CDK5RAP2: variants seen among roughly 807,000 people sequenced by gnomAD.
CDK5RAP2 encodes CDK5 regulatory subunit associated protein 2.
A neutral mutation model predicts 232.9 loss-of-function variants in CDK5RAP2; 147 were observed. The observed-to-expected ratio is 0.63, with a 90% confidence interval of 0.55 to 0.72. CDK5RAP2 has a LOEUF of 0.72. Among genes scored for constraint, CDK5RAP2 ranks in the 30% least tolerant of loss-of-function variants. CDK5RAP2 has a pLI of 0.00. For synonymous variants in CDK5RAP2, 833 were observed against 833.7 expected, an observed-to-expected ratio of 1.00 and a Z score of 0.01; for missense variants, 2,195 against 2,231.5, an observed-to-expected ratio of 0.98 and a Z score of 0.33.
intron 28 of CDK5RAP2, among the ~76,000 whole-genome samples, chr9:120,413,972 G>C (rs1015992905): frequency 2.0e-5 from 3 of 152,186 alleles, no homozygotes; most frequent in African/African-American, 7.2e-5. Context: ...ATGAGACCTG[G>C]ACAAGGGTCC....
intron 4 of CDK5RAP2, among the ~76,000 whole-genome samples, chr9:120,547,217 T>G (rs1304036497): frequency 6.6e-6 from 1 of 151,302 alleles, no homozygotes; most frequent in Non-Finnish European, 1.5e-5. Flanking sequence ...CTTGAACTCC[T>G]GACCTCAAGT....
At chr9:120,424,244 T>A (rs989500658) in intron 25 of CDK5RAP2, among the ~76,000 whole-genome samples, 3 of 152,238 alleles carry the variant, frequency 2.0e-5, no homozygotes, top group African/African-American at 7.2e-5. Flanking sequence ...GATGGAGATA[T>A]CCTTATAGCT....
intron 3 of CDK5RAP2, among the ~76,000 whole-genome samples, chr9:120,551,800 T>C (rs1360894894): frequency 6.6e-6 from 1 of 152,180 alleles, no homozygotes; most frequent in Non-Finnish European, 1.5e-5. Context: ...AATTTTATAT[T>C]AGGTAATAAT....
intron 8 of CDK5RAP2, among the ~76,000 whole-genome samples, chr9:120,529,310 T>G (rs10818461): frequency 0.082 from 12,471 of 152,292 alleles, 736 homozygotes; most frequent in East Asian, 0.29. Flanking sequence ...CTACCTGCAC[T>G]TCCCTGGCCT....
At chr9:120,568,563 T>C (rs903521908) in intron 2 of CDK5RAP2, among the ~76,000 whole-genome samples, 175 bp from the exon 3 acceptor site, 1 of 152,192 alleles carries the variant, frequency 6.6e-6, no homozygotes, top group Non-Finnish European at 1.5e-5. Context: ...TCTAAACCAT[T>C]AATTTACAAA....
chr9:120,507,942 A>AATATATATATATATATAT (rs1157642617), intron 12 of CDK5RAP2, among the ~76,000 whole-genome samples: 10 of 32,548 alleles, frequency 3.1e-4, no homozygotes, highest in African/African-American at 1.1e-3. Context: ...AAAAAAAAAA[A>AATATATATATATATATAT]ATATATATAT....
At position 120,406,637 on chromosome 9, in the gene CDK5RAP2, C is replaced by T. The variant is rs138472454; in HGVS notation, c.4963+375G>A. 5 of 232,944 alleles carry T rather than the reference C, an allele frequency of 2.1e-5. No individual in the cohort carries two copies. The East Asian group carries it at 3.9e-4, about 18-fold the overall frequency. 14.4% of individuals were successfully genotyped at this position (232,944 alleles called of 1,614,324 possible). A position where few individuals can be genotyped will look rare whatever the true frequency, so the allele number is the denominator to read the frequency against. On this transcript the variant is annotated intron_variant, in intron 32 of 37. Transcript: ENST00000349780. ...AGGATGATTTTCAGATCCTGAAAGA[C>T]ACTGAAAGCCAGATTAAGATGTTTA...
At chr9:120,463,072 A>AAAAAC (rs1335984699) in intron 18 of CDK5RAP2, among the ~76,000 whole-genome samples, 1 of 152,114 alleles carries the variant, frequency 6.6e-6, no homozygotes, top group East Asian at 1.9e-4. Flanking sequence ...CCATCTTTTA[A>AAAAAC]AAAACAAAAC....
At chr9:120,562,363 A>G (rs1031762536) in intron 3 of CDK5RAP2, among the ~76,000 whole-genome samples, 2 of 152,166 alleles carry the variant, frequency 1.3e-5, no homozygotes, top group African/African-American at 4.8e-5. Flanking sequence ...AGAGCGTTCA[A>G]TCCAGCAGGC....
At chr9:120,527,448 G>GAAAAA (rs374555305) in intron 10 of CDK5RAP2, among the ~76,000 whole-genome samples, 1 of 146,406 alleles carries the variant, frequency 6.8e-6, no homozygotes. Context: ...GCTTAGTTCT[G>GAAAAA]AAAAAAAAAA....
At chr9:120,430,927 C>A (rs1393006002) in intron 25 of CDK5RAP2, among the ~76,000 whole-genome samples, 9 of 152,268 alleles carry the variant, frequency 5.9e-5, no homozygotes, top group African/African-American at 2.2e-4. Flanking sequence ...GAATACTAGG[C>A]AGCCATAAAA....
At chr9:120,575,350 G>A (rs1213223565) in intron 1 of CDK5RAP2, among the ~76,000 whole-genome samples, 1 of 152,196 alleles carries the variant, frequency 6.6e-6, no homozygotes, top group Non-Finnish European at 1.5e-5. Flanking sequence ...ACCGCGCCCA[G>A]CTGTAGCAAC....
At chr9:120,433,747 A>T (rs971167740) in intron 25 of CDK5RAP2, among the ~76,000 whole-genome samples, 7 of 152,218 alleles carry the variant, frequency 4.6e-5, no homozygotes, top group Middle Eastern at 3.2e-3. Flanking sequence ...TCTAGTAGGA[A>T]AAGTTTTTTG....
chr9:120,579,230 C>T (rs192565083), intron 1 of CDK5RAP2, among the ~76,000 whole-genome samples: 124 of 152,342 alleles, frequency 8.1e-4, no homozygotes, highest in African/African-American at 3.0e-3. Context: ...AATGGCAACA[C>T]AAGATCATTT....
intron 13 of CDK5RAP2, among the ~76,000 whole-genome samples, chr9:120,488,414 G>C (rs536450027): frequency 6.6e-6 from 1 of 152,114 alleles, no homozygotes; most frequent in African/African-American, 2.4e-5. Context: ...TCCAATTATA[G>C]ATATACATAG....
In CDK5RAP2 at chr9:120,460,599, A is replaced by G; in HGVS notation, c.2175T>C (p.Ser725=). Residue 725 remains serine (S), a synonymous_variant, in exon 19 of 38, where the codon AGT becomes AGC. Transcript: ENST00000349780. ...CATTACTCTGCTGCAAATGCTGGTC[A>G]CTCAGGAAATTAATCTCGTCATCCT... ...IGEDDEINFL[S]DQHLQQSNEI... is the part of the protein sequence containing the mutation. 1 of 1,614,136 alleles carries G rather than the reference A, an allele frequency of 6.2e-7. No individual in the cohort carries two copies. The highest frequency in any genetic ancestry group is 1.3e-5 in the African/African-American group (1 of 75,040).
intron 25 of CDK5RAP2, among the ~76,000 whole-genome samples, chr9:120,430,354 C>T (rs1460870761): frequency 6.6e-6 from 1 of 151,540 alleles, no homozygotes; most frequent in Non-Finnish European, 1.5e-5. Flanking sequence ...ATTTTTGCAA[C>T]CTACTCATCT....
chr9:120,470,135 A>C lies in CDK5RAP2; in HGVS notation c.1944T>G (p.Phe648Leu). 1 of 1,571,418 alleles carries C rather than the reference A, an allele frequency of 6.4e-7. No individual in the cohort carries two copies. Among genetic ancestry groups the C allele is most frequent in the Non-Finnish European group, 8.8e-7 (1 of 1,142,738 alleles). The change falls in exon 17 of 38, where the codon TTT becomes TTG. Residue 648 changes from phenylalanine to leucine, a missense_variant. Transcript: ENST00000349780. Reference protein sequence around the residue: ...EENNRFQVEHFSQEELKKKVS... With the variant: ...EENNRFQVEHLSQEELKKKVS... ...CCTTTTTCTTAAGTTCTTCTTGAGA[A>C]AAATGTTCCACTTGAAACCGATTGT...
intron 1 of CDK5RAP2, among the ~76,000 whole-genome samples, chr9:120,575,613 CT>C (rs2132232848): frequency 6.6e-6 from 1 of 152,286 alleles, no homozygotes; most frequent in East Asian, 1.9e-4. Flanking sequence ...TCACTTTTGT[CT>C]TTTAACAACC....
Sources: allele counts gnomAD v4.1 joint callset (sites outside exome capture counted in the v4.1 genomes callset), GRCh38; gene constraint gnomAD v4.1.1; transcripts MANE v1.5; gene names NCBI Gene and HGNC (gene_info 2026-07-23, HGNC 2026-07-21).